KCND2: variants seen among roughly 807,000 people sequenced by gnomAD.
KCND2 encodes the protein potassium voltage-gated channel subfamily D member 2.
In KCND2, 16 loss-of-function variants were observed where a neutral mutation model predicts 54.4. The observed-to-expected ratio is 0.29, with a 90% CI of 0.20 to 0.45. The LOEUF (loss-of-function observed/expected upper bound fraction) is 0.45. Ranked by LOEUF, KCND2 falls within the 20% of genes least tolerant of loss-of-function variation. The pLI is 1.00. For missense variants in KCND2, 486 were observed against 824.2 expected (o/e 0.59, Z 5.02); for synonymous variants, 317 against 310.7 (o/e 1.02, Z -0.21).
At chr7:120,439,718 C>T (rs895817461) in intron 1 of KCND2, among the ~76,000 whole-genome samples, 2 of 152,030 alleles carry the variant, frequency 1.3e-5, no homozygotes, top group African/African-American at 4.8e-5. Flanking sequence ...TCTATATGCT[C>T]ATCTTCTTAT....
At chr7:120,397,726 A>T (rs1584761744) in intron 1 of KCND2, among the ~76,000 whole-genome samples, 1 of 151,924 alleles carries the variant, frequency 6.6e-6, no homozygotes, top group East Asian at 1.9e-4. Flanking sequence ...TTTACTTAAC[A>T]ATATATAATT....
At chr7:120,710,791 G>A (rs1792527914) in intron 1 of KCND2, among the ~76,000 whole-genome samples, 1 of 152,178 alleles carries the variant, frequency 6.6e-6, no homozygotes, top group African/African-American at 2.4e-5. Context: ...ATCAATGGCA[G>A]CATTATAATT....
chr7:120,623,775 T>TG (rs1793132140), intron 1 of KCND2, among the ~76,000 whole-genome samples: 1 of 152,182 alleles, frequency 6.6e-6, no homozygotes, highest in Non-Finnish European at 1.5e-5. Context: ...GAAAGCATTG[T>TG]GGTATAAGAA....
At chr7:120,689,922 A>G (rs1388287040) in intron 1 of KCND2, among the ~76,000 whole-genome samples, 1 of 152,182 alleles carries the variant, frequency 6.6e-6, no homozygotes, top group African/African-American at 2.4e-5. Flanking sequence ...TGAAACACTT[A>G]CAGAGTATTT....
rs76213755 is a variant in KCND2 at position 120,591,864 on chromosome 7, C to T, written c.1116-141039C>T. On this transcript the variant is annotated intron_variant, in intron 1 of 5. Coordinates refer to ENST00000331113, the MANE Select transcript of KCND2 (RefSeq NM_012281.3). The stretch of plus-strand genomic sequence containing the variant: ...CCATTATTATTAACATTAATTCCTT[C>T]GACGTAATAGATGTTACAAATCAAA... Among the ~76,000 whole-genome samples, 467 of 152,172 alleles carry T rather than the reference C, an allele frequency of 3.1e-3. 1 individual carries two copies. Among genetic ancestry groups the T allele is most frequent in the Non-Finnish European group, 5.4e-3 (367 of 68,004 alleles).
intron 1 of KCND2, among the ~76,000 whole-genome samples, chr7:120,357,332 C>G (rs1409198209): frequency 6.6e-6 from 1 of 152,090 alleles, no homozygotes; most frequent in South Asian, 2.1e-4. Flanking sequence ...GATTTTATGA[C>G]TCCCAAGTCA....
chr7:120,381,322 A>C (rs747379745), intron 1 of KCND2, among the ~76,000 whole-genome samples: 4 of 152,118 alleles, frequency 2.6e-5, no homozygotes, highest in Non-Finnish European at 5.9e-5. Flanking sequence ...AATTCTCAGC[A>C]TGCATTGCTA....
intron 1 of KCND2, among the ~76,000 whole-genome samples, chr7:120,351,563 G>A (rs1800406550): frequency 6.6e-6 from 1 of 151,722 alleles, no homozygotes; most frequent in Non-Finnish European, 1.5e-5. Context: ...TTATTTATTG[G>A]CTCTTGTTCA....
intron 1 of KCND2, among the ~76,000 whole-genome samples, chr7:120,454,802 C>T (rs946173605): frequency 1.3e-5 from 2 of 152,118 alleles, no homozygotes; most frequent in African/African-American, 4.8e-5. Context: ...CTGTCCAAAA[C>T]CTCCTAGATC....
chr7:120,442,121 G>C (rs979662140), intron 1 of KCND2, among the ~76,000 whole-genome samples: 3 of 152,038 alleles, frequency 2.0e-5, no homozygotes, highest in African/African-American at 4.8e-5. Flanking sequence ...TGAATCAGGG[G>C]ACTGACTACC....
chr7:120,425,816 A>G (rs1327433696), intron 1 of KCND2, among the ~76,000 whole-genome samples: 1 of 152,200 alleles, frequency 6.6e-6, no homozygotes, highest in East Asian at 1.9e-4. Flanking sequence ...GAATAAGCAA[A>G]TTGACCTTCT....
chr7:120,575,145 G>A (rs945877493), intron 1 of KCND2, among the ~76,000 whole-genome samples: 1 of 152,058 alleles, frequency 6.6e-6, no homozygotes, highest in Non-Finnish European at 1.5e-5. Context: ...TGTTTATTAA[G>A]GAGTATTGAC....
chr7:120,293,716 T>G (rs1422412988), intron 1 of KCND2, among the ~76,000 whole-genome samples: 1 of 151,930 alleles, frequency 6.6e-6, no homozygotes, highest in Non-Finnish European at 1.5e-5. Context: ...CTGCTTAACA[T>G]ATATTGTCTT....
At chr7:120,524,005 T>C (rs994145997) in intron 1 of KCND2, among the ~76,000 whole-genome samples, 3 of 151,826 alleles carry the variant, frequency 2.0e-5, no homozygotes, top group East Asian at 3.9e-4. Flanking sequence ...GGAGGCCAAG[T>C]TGGGCAGATC....
intron 1 of KCND2, among the ~76,000 whole-genome samples, chr7:120,462,244 G>T (rs943826714): frequency 4.0e-5 from 6 of 151,414 alleles, no homozygotes; most frequent in African/African-American, 1.2e-4. Flanking sequence ...GGTCTAAAGA[G>T]TTAAGGCCTT....
Position 120,275,230 on chromosome 7 carries a change from A to G in KCND2, c.598A>G (p.Ile200Val). 1 of 1,613,880 alleles carries G rather than the reference A, an allele frequency of 6.2e-7. No individual in the cohort carries two copies. Among genetic ancestry groups the G allele is most frequent in the Non-Finnish European group, 8.5e-7 (1 of 1,179,998 alleles). Residue 200 changes from isoleucine (I) to valine (V), a missense_variant, in exon 1 of 6, where the codon ATC becomes GTC. Physicochemically the swap from Ile to Val is conservative, Grantham distance 29. This residue lies in a region of KCND2 where 231 missense variants were observed against 386.0 expected (regional missense o/e 0.60). Transcript: ENST00000331113. Reference protein sequence around the residue: ...VTGFFIAVSVIANVVETVPCG... With the variant: ...VTGFFIAVSVVANVVETVPCG... Reference sequence around the variant, plus strand: ...GGGGTTTTTCATTGCCGTCTCTGTCATCGCGAATGTGGTGGAAACAGTGCC... The same window carrying G: ...GGGGTTTTTCATTGCCGTCTCTGTCGTCGCGAATGTGGTGGAAACAGTGCC...
intron 4 of KCND2, 62 bp from the exon 5 acceptor site, chr7:120,745,718 A>G (rs370995654): frequency 1.9e-6 from 3 of 1,546,576 alleles, no homozygotes; most frequent in African/African-American, 2.7e-5. Context: ...AAATAAAGCT[A>G]TGTATTTCGT....
At chr7:120,453,235 C>T (rs1052902194) in intron 1 of KCND2, among the ~76,000 whole-genome samples, 1 of 152,196 alleles carries the variant, frequency 6.6e-6, no homozygotes, top group African/African-American at 2.4e-5. Flanking sequence ...CATGTCATAC[C>T]ACCACTACCA....
rs147195380 is a variant in KCND2, at chr7:120,731,969, T to C, written c.1116-934T>C. 1.4e-4 allele frequency among the ~76,000 whole-genome samples: 21 copies of C among 152,250 alleles called. 2 individuals are homozygous for C. In the East Asian group the frequency reaches 3.9e-3, roughly 28 times the overall value. Reference sequence around the variant, plus strand: ...AGCTAGGGAAATGAGAGTTCCATTTTGGTTAATTTAAATTTTAATGGGCTC... The same window carrying C: ...AGCTAGGGAAATGAGAGTTCCATTTCGGTTAATTTAAATTTTAATGGGCTC... On this transcript the variant is annotated intron_variant, in intron 1 of 5. Coordinates refer to ENST00000331113, the MANE Select transcript of KCND2 (RefSeq NM_012281.3).
Sources: gnomAD v4.1 joint callset for allele counts (sites outside exome capture counted in the v4.1 genomes callset) on GRCh38, gnomAD v4.1.1 for gene constraint, gnomAD v4.1.1 regional missense constraint, MANE v1.5 for transcripts, NCBI Gene and HGNC (gene_info 2026-07-23, HGNC 2026-07-21) for gene names.